Variants in PDIA5 observed in about 807,000 individuals in gnomAD.
PDIA5 encodes the protein protein disulfide isomerase family A member 5, also known as protein disulfide-isomerase A5.
In PDIA5, 58 loss-of-function variants were observed where a neutral mutation model predicts 77.6. The ratio of observed to expected loss-of-function variants is 0.75; its 90% confidence interval spans 0.61 to 0.93. The LOEUF is 0.93. PDIA5 is among the 40% of genes least tolerant of loss of function. The pLI, the probability that PDIA5 is intolerant of heterozygous loss-of-function variation, is 0.00. For missense variants in PDIA5, 630 were observed against 647.7 expected, an observed-to-expected ratio of 0.97 and a Z score of 0.30; for synonymous variants, 250 against 252.1, an observed-to-expected ratio of 0.99 and a Z score of 0.08.
At chr3:123,101,071 T>TG (rs1441476135) in intron 3 of PDIA5, among the ~76,000 whole-genome samples, 2 of 151,998 alleles carry the variant, frequency 1.3e-5, no homozygotes, top group African/African-American at 2.4e-5. Context: ...GCAGGCAGGA[T>TG]GGGGAAGCTG....
At chr3:123,084,758 C>T (rs573136553) in intron 1 of PDIA5, among the ~76,000 whole-genome samples, 1 of 152,316 alleles carries the variant, frequency 6.6e-6, no homozygotes, top group South Asian at 2.1e-4. Flanking sequence ...TCCTCACTTA[C>T]CTATGAATAG....
intron 1 of PDIA5, among the ~76,000 whole-genome samples, chr3:123,082,486 G>A (rs1934035379): frequency 1.3e-5 from 2 of 152,080 alleles, no homozygotes; most frequent in South Asian, 4.1e-4. Flanking sequence ...TGGGAAGTGT[G>A]CTCTAAATGT....
chr3:123,090,161 C>T (rs1010106332), intron 2 of PDIA5, among the ~76,000 whole-genome samples: 1 of 152,218 alleles, frequency 6.6e-6, no homozygotes, highest in Non-Finnish European at 1.5e-5. Flanking sequence ...GCATCCCTGG[C>T]ACGTGGGATG....
At chr3:123,139,364 G>T (rs957355997) in intron 11 of PDIA5, among the ~76,000 whole-genome samples, 1 of 152,144 alleles carries the variant, frequency 6.6e-6, no homozygotes, top group Non-Finnish European at 1.5e-5. Flanking sequence ...TGGAAGGGAG[G>T]TGTTTTCTCA....
chr3:123,082,796 G>C (rs575275466), intron 1 of PDIA5, among the ~76,000 whole-genome samples: 5 of 152,262 alleles, frequency 3.3e-5, no homozygotes, highest in South Asian at 2.1e-4. Flanking sequence ...TGCAAGGTGG[G>C]CATTGGTATT....
chr3:123,108,323 C>T (rs1336061804), intron 6 of PDIA5, among the ~76,000 whole-genome samples: 2 of 150,886 alleles, frequency 1.3e-5, no homozygotes, highest in African/African-American at 2.4e-5. Flanking sequence ...CTTTGTCACC[C>T]AGGCTGGAGT....
At chr3:123,117,332 T>C (rs1207102839) in intron 8 of PDIA5, among the ~76,000 whole-genome samples, 2 of 141,590 alleles carry the variant, frequency 1.4e-5, no homozygotes, top group Admixed American at 7.2e-5. Flanking sequence ...ACCCCACTCC[T>C]GACCTTGATA....
chr3:123,122,688 TC>T (rs1402243768), intron 8 of PDIA5, among the ~76,000 whole-genome samples: 3 of 152,218 alleles, frequency 2.0e-5, no homozygotes, highest in Non-Finnish European at 4.4e-5. Flanking sequence ...GGTCACATCT[TC>T]CAGCAAGGGA....
At position 123,116,288 on chromosome 3, in the gene PDIA5, G is replaced by A. The variant is rs544687330; in HGVS notation, c.599G>A (p.Arg200Gln). 1.5e-5 allele frequency: 24 copies of A among 1,613,440 alleles called. No individual in the cohort carries two copies. Among genetic ancestry groups the A allele is most frequent in the Middle Eastern group, 1.7e-4 (1 of 6,056 alleles). Residue 200 changes from arginine (R) to glutamine (Q), a missense_variant, in exon 8 of 17, where the codon CGA (arginine) becomes CAA (glutamine). Arg to Gln is a conservative substitution (Grantham distance 43, BLOSUM62 1). Transcript: ENST00000316218. ...PHFQKAATQL[R>Q]GHAVLAGMNV... is the part of the protein sequence containing the mutation. ...TTCCAGAAGGCTGCGACTCAGCTGC[G>A]AGGCCACGCCGTAAGTGAGGCGCCA... is the stretch of plus-strand genomic sequence containing the variant.
intron 11 of PDIA5, among the ~76,000 whole-genome samples, chr3:123,138,813 A>C (rs950969157): frequency 6.6e-6 from 1 of 152,136 alleles, no homozygotes; most frequent in African/African-American, 2.4e-5. Flanking sequence ...GCATGCCCCA[A>C]GCCAAATTCC....
chr3:123,126,378 G>C (rs1241812695), intron 10 of PDIA5, among the ~76,000 whole-genome samples: 3 of 152,044 alleles, frequency 2.0e-5, no homozygotes, highest in African/African-American at 7.2e-5. Flanking sequence ...CTTGTTAACG[G>C]CCTTATCCTC....
chr3:123,098,026 G>A (rs902875401), intron 3 of PDIA5, among the ~76,000 whole-genome samples: 2 of 152,172 alleles, frequency 1.3e-5, no homozygotes, highest in African/African-American at 2.4e-5. Flanking sequence ...TGGTTGGGAG[G>A]CGAGGAGAGA....
intron 11 of PDIA5, among the ~76,000 whole-genome samples, chr3:123,133,214 C>T (rs1424619513): frequency 3.9e-5 from 6 of 152,152 alleles, no homozygotes; most frequent in African/African-American, 1.4e-4. Flanking sequence ...ACCACTTTTG[C>T]AGTGTTTGAG....
intron 11 of PDIA5, among the ~76,000 whole-genome samples, chr3:123,131,393 C>T (rs1299877685): frequency 6.6e-6 from 1 of 151,688 alleles, no homozygotes; most frequent in Non-Finnish European, 1.5e-5. Context: ...GCACTCCCTC[C>T]TGGGCAGCAG....
intron 11 of PDIA5, among the ~76,000 whole-genome samples, chr3:123,142,235 G>A (rs768299621): frequency 6.6e-6 from 1 of 152,224 alleles, no homozygotes; most frequent in Non-Finnish European, 1.5e-5. Flanking sequence ...GTCCCATTGG[G>A]AGCAGGCTCA....
At position 123,150,463 on chromosome 3, in the gene PDIA5, G is replaced by A. The variant is rs534450380; in HGVS notation, c.1273+99G>A. On this transcript the variant is annotated intron_variant, in intron 14 of 16. Transcript: ENST00000316218. ...ACCCACCCCAGGGACCAAGGCAGCC[G>A]CTGATGGATCCCAGGGTCATCTCCA... The A allele has an allele frequency of 3.5e-4, 406 of 1,159,282 alleles. 3 individuals are homozygous for A. In the African/African-American group the frequency reaches 4.7e-3, roughly 13 times the overall value. 71.8% of individuals were successfully genotyped at this position (1,159,282 alleles called of 1,614,324 possible).
intron 15 of PDIA5, among the ~76,000 whole-genome samples, chr3:123,157,740 C>G (rs879298918): frequency 6.6e-6 from 1 of 152,352 alleles, no homozygotes; most frequent in South Asian, 2.1e-4. Flanking sequence ...GGAGCCTCCA[C>G]CCCCTCCCGG....
At chr3:123,122,751 G>A (rs1935148786) in intron 8 of PDIA5, among the ~76,000 whole-genome samples, 1 of 152,206 alleles carries the variant, frequency 6.6e-6, no homozygotes, top group Admixed American at 6.5e-5. Context: ...ATAAGTGGAA[G>A]CTGTCTTTGC....
At chr3:123,078,273 CAGA>C (rs1484177983) in intron 1 of PDIA5, among the ~76,000 whole-genome samples, 6 of 152,134 alleles carry the variant, frequency 3.9e-5, no homozygotes, top group African/African-American at 1.4e-4. Flanking sequence ...GCTAGCAGTA[CAGA>C]AGGACACATA....
Sources: gnomAD v4.1 joint callset for allele counts (sites outside exome capture counted in the v4.1 genomes callset) on GRCh38, gnomAD v4.1.1 for gene constraint, MANE v1.5 for transcripts, NCBI Gene and HGNC (gene_info 2026-07-23, HGNC 2026-07-21) for gene names.